Variants in TRIM14 observed in about 807,000 individuals in gnomAD.
The protein encoded by TRIM14 is tripartite motif-containing protein 14.
A neutral mutation model predicts 44.5 loss-of-function variants in TRIM14; 28 were observed. The observed-to-expected ratio is 0.63, with a 90% CI of 0.47 to 0.86. The LOEUF (loss-of-function observed/expected upper bound fraction) is 0.86. Among genes scored for constraint, TRIM14 ranks in the 40% least tolerant of loss-of-function variants. The pLI is 0.00. For synonymous variants in TRIM14, 299 were observed against 269.2 expected (o/e 1.11, Z -1.08); for missense variants, 607 against 611.1 (o/e 0.99, Z 0.07).
At chr9:98,044,263 T>C in the TRIM14 span, among the ~76,000 whole-genome samples, 3 of 151,962 alleles carry the variant, frequency 2.0e-5, no homozygotes, top group Non-Finnish European at 4.4e-5. Flanking sequence ...GAGGGTTCCC[T>C]GTAGGGCCGT....
intron 2 of TRIM14, among the ~76,000 whole-genome samples, chr9:98,101,447 C>T (rs1172152817): frequency 1.4e-5 from 2 of 146,490 alleles, no homozygotes; most frequent in African/African-American, 5.0e-5. Flanking sequence ...TTTTTTCAGA[C>T]GAAGTTTTGC....
At chr9:98,063,232 T>G in the TRIM14 span, among the ~76,000 whole-genome samples, 4 of 151,000 alleles carry the variant, frequency 2.6e-5, no homozygotes, top group African/African-American at 9.7e-5. Context: ...CCCAGCCCAG[T>G]TTTATTTTTT....
intron 2 of TRIM14, among the ~76,000 whole-genome samples, chr9:98,107,420 T>C (rs1477018898): frequency 6.6e-6 from 1 of 152,216 alleles, no homozygotes; most frequent in Non-Finnish European, 1.5e-5. Flanking sequence ...AAAACCTCTA[T>C]GGTACATGCA....
At chr9:98,070,790 C>T (rs1477191864) in intron 6 of TRIM14, among the ~76,000 whole-genome samples, 2 of 150,138 alleles carry the variant, frequency 1.3e-5, no homozygotes, top group African/African-American at 2.5e-5. Context: ...TAAAAAAGAT[C>T]TGCAGACTCT....
downstream of TRIM14, chr9:98,082,724 C>T (rs931135796): frequency 2.5e-5 from 21 of 827,742 alleles, no homozygotes; most frequent in African/African-American, 2.0e-4. Context: ...TAGGGGGCAA[C>T]AGAGTGCCTG....
rs553879469 is a variant in TRIM14, at chr9:98,100,895, G to T, written c.304-731C>A. On this transcript the variant is annotated intron_variant, in intron 2 of 5. Transcript: ENST00000341469. ...TTAAGGAAAACAAACAAAAGAGAAG[G>T]TCCAGTTAAACTAAAACACTGTACA... is the stretch of plus-strand genomic sequence containing the variant. Among the ~76,000 whole-genome samples the T allele has an allele frequency of 2.6e-5, 4 of 151,820 alleles. No homozygotes were observed. The South Asian group carries it at 8.3e-4, about 32-fold the overall frequency.
Position 98,118,839 on chromosome 9 carries a change from G to A in TRIM14, c.207+143C>T, listed in dbSNP as rs1052534739. ...TCCCGCTCTGAACTTTCGGTCGACC[G>A]CTTAGACGCCCTCTGGGGCACCTTT... On this transcript the variant is annotated intron_variant, in intron 1 of 5. Transcript: ENST00000341469. 1.1e-5 allele frequency: 11 copies of A among 1,012,822 alleles called. No individual in the cohort carries two copies. In the African/African-American group the frequency reaches 1.4e-4, roughly 13 times the overall value. The allele number at this position is 1,012,822 out of a possible 1,614,324, so 62.7% of individuals were successfully genotyped here. A position where few individuals can be genotyped will look rare whatever the true frequency, so the allele number is the denominator to read the frequency against.
chr9:98,089,361 G>A (rs1039754871), intron 5 of TRIM14, among the ~76,000 whole-genome samples: 7 of 152,048 alleles, frequency 4.6e-5, no homozygotes, highest in African/African-American at 1.7e-4. Flanking sequence ...ATTTTCAGTA[G>A]AGACAGGGTT....
downstream of TRIM14, among the ~76,000 whole-genome samples, chr9:98,064,545 C>T (rs946054118): frequency 3.3e-5 from 5 of 152,092 alleles, no homozygotes; most frequent in South Asian, 6.2e-4. Context: ...TGTAAGCCAC[C>T]GCACCCGCCC....
intron 4 of TRIM14, among the ~76,000 whole-genome samples, chr9:98,093,059 G>A (rs749001713): frequency 3.9e-5 from 6 of 152,196 alleles, no homozygotes; most frequent in Non-Finnish European, 8.8e-5. Context: ...CACATGGGAA[G>A]TCCAACTTCT....
intron 2 of TRIM14, among the ~76,000 whole-genome samples, chr9:98,106,265 T>C (rs550287592): frequency 6.6e-6 from 1 of 152,338 alleles, no homozygotes; most frequent in African/African-American, 2.4e-5. Context: ...TAAAAGCATA[T>C]GCATATACAG....
the TRIM14 span, among the ~76,000 whole-genome samples, chr9:98,050,235 A>G: frequency 6.6e-6 from 1 of 152,238 alleles, no homozygotes; most frequent in Non-Finnish European, 1.5e-5. Flanking sequence ...AACTTAAAAT[A>G]TATAAGGAGG....
intron 1 of TRIM14, among the ~76,000 whole-genome samples, chr9:98,113,652 G>A (rs28778047): frequency 0.089 from 13,568 of 152,218 alleles, 1,810 homozygotes; most frequent in African/African-American, 0.29. Flanking sequence ...ACTGTGCCTG[G>A]CCTAAAAGTA....
the TRIM14 span, among the ~76,000 whole-genome samples, chr9:98,041,927 C>T: frequency 6.6e-6 from 1 of 151,694 alleles, no homozygotes; most frequent in South Asian, 2.1e-4. Context: ...CAGTGATCTG[C>T]CCGCCTTGGC....
In TRIM14 at chr9:98,118,991, C is replaced by A; in HGVS notation, c.198G>T (p.Val66=). The change falls in exon 1 of 6, where the codon GTG becomes GTT. Residue 66 remains valine (V), a synonymous_variant. Coordinates refer to ENST00000341469, the MANE Select transcript of TRIM14 (RefSeq NM_014788.4). The stretch of plus-strand genomic sequence containing the variant: ...TCCCCATCGTCCCCACCTGCACGTG[C>A]ACCGCTGCCTCCAGCGCCAGGCCCA... ...HPVGLALEAA[V]HVQKLSQECL... 1 of 1,548,552 alleles carries A rather than the reference C, an allele frequency of 6.5e-7. No homozygotes were observed. The highest frequency in any genetic ancestry group is 1.2e-5 in the South Asian group (1 of 85,860).
chr9:98,078,842 A>AG (rs1222674963), intron 6 of TRIM14, among the ~76,000 whole-genome samples: 2 of 151,168 alleles, frequency 1.3e-5, no homozygotes, highest in African/African-American at 4.9e-5. Flanking sequence ...GGGGGAAAAA[A>AG]AAAAAAAAAA....
chr9:98,118,600 G>A (rs1827134693), intron 1 of TRIM14, among the ~76,000 whole-genome samples: 1 of 152,180 alleles, frequency 6.6e-6, no homozygotes, highest in Non-Finnish European at 1.5e-5. Context: ...GAGCTACACA[G>A]GGCTGTTTAT....
At chr9:98,117,308 A>ATTTG (rs1827089961) in intron 1 of TRIM14, among the ~76,000 whole-genome samples, 1 of 151,390 alleles carries the variant, frequency 6.6e-6, no homozygotes, top group South Asian at 2.1e-4. Context: ...TTATTTATTT[A>ATTTG]TTTATTTAAG....
In TRIM14 at chr9:98,119,202, C is replaced by T. The variant is rs768439664; in HGVS notation, c.-14G>A. 2 of 1,566,944 alleles carry T rather than the reference C, an allele frequency of 1.3e-6. No homozygotes were observed. The highest frequency in any genetic ancestry group is 4.9e-5 in the East Asian group (2 of 40,756). ...CGCGCCCGCCATTCATCTCCACCTC[C>T]TCCGGCTCCCCGGGACACAGGGCGG... On this transcript the variant is annotated 5_prime_UTR_variant, in exon 1 of 6. Coordinates refer to ENST00000341469, the MANE Select transcript of TRIM14 (RefSeq NM_014788.4).
Sources: allele counts gnomAD v4.1 joint callset (sites outside exome capture counted in the v4.1 genomes callset), GRCh38; gene constraint gnomAD v4.1.1; transcripts MANE v1.5; gene names NCBI Gene and HGNC (gene_info 2026-07-23, HGNC 2026-07-21).